BDP1: variants seen among roughly 807,000 people sequenced by gnomAD.
The protein encoded by BDP1 is BDP1 general transcription factor IIIB subunit.
Under a neutral mutation model 266.6 loss-of-function variants are expected in BDP1, and 169 were observed. The observed-to-expected ratio is 0.63, with a 90% confidence interval of 0.56 to 0.72. The LOEUF is 0.72. BDP1 is among the 30% of genes least tolerant of loss of function. The pLI, the probability that BDP1 is intolerant of heterozygous loss-of-function variation, is 0.00. For synonymous variants in BDP1, 1,090 were observed against 1,022.4 expected (o/e 1.07, Z -1.26); for missense variants, 3,015 against 3,053.8 (o/e 0.99, Z 0.30).
At position 71,542,278 on chromosome 5, in the gene BDP1, CTCTTA is replaced by C. The variant is rs756730729; in HGVS notation, c.6412+14_6412+18del. The C allele has an allele frequency of 1.3e-6, 2 of 1,590,210 alleles. No individual in the cohort carries two copies. Among genetic ancestry groups the C allele is most frequent in the African/African-American group, 2.7e-5 (2 of 73,598 alleles). On this transcript the variant is annotated intron_variant, in intron 30 of 38. Coordinates refer to ENST00000358731, the MANE Select transcript of BDP1 (RefSeq NM_018429.3). ...GAAACTCAAAGAGGTAAATTTTATT[CTCTTA>C]ATATGTTGCAAAATCATTTTGACAC... is the stretch of plus-strand genomic sequence containing the variant.
chr5:71,552,408 C>G (rs571440200), intron 34 of BDP1, among the ~76,000 whole-genome samples: 4 of 152,208 alleles, frequency 2.6e-5, no homozygotes, highest in Admixed American at 6.5e-5. Context: ...TCCTCACATC[C>G]CAGACGATGG....
intron 15 of BDP1, among the ~76,000 whole-genome samples, chr5:71,503,997 G>A (rs1156477949): frequency 6.6e-6 from 1 of 151,914 alleles, no homozygotes. Flanking sequence ...TTCTGACCAG[G>A]CGCAGTGGCT....
chr5:71,551,268 T>A (rs555636821), intron 34 of BDP1, among the ~76,000 whole-genome samples: 1 of 152,336 alleles, frequency 6.6e-6, no homozygotes, highest in East Asian at 1.9e-4. Flanking sequence ...GGCCTTCCGC[T>A]GTTTTTGTGT....
At chr5:71,461,955 T>TA in intron 3 of BDP1, 29 bp downstream of exon 3, 1 of 783,304 alleles carries the variant, frequency 1.3e-6, no homozygotes, top group Non-Finnish European at 2.1e-6. Context: ...TGCTTTACTA[T>TA]CTCTTTTTTT....
rs531900910 is a variant in BDP1, at chr5:71,554,807, C to T, written c.7200+1487C>T. 4.7e-4 allele frequency among the ~76,000 whole-genome samples: 72 copies of T among 152,112 alleles called. 1 individual carries two copies. Among genetic ancestry groups the T allele is most frequent in the African/African-American group, 1.6e-3 (68 of 41,504 alleles). ...TTTTACTAGTTGAGTATCCTTTATT[C>T]GAAATGCTTAGGACCGGAAGTGTTT... is the stretch of plus-strand genomic sequence containing the variant. On this transcript the variant is annotated intron_variant, in intron 35 of 38. Coordinates refer to ENST00000358731, the MANE Select transcript of BDP1 (RefSeq NM_018429.3).
chr5:71,573,235 AAAAAAAG>A, the BDP1 span, among the ~76,000 whole-genome samples: 2 of 129,394 alleles, frequency 1.5e-5, no homozygotes. Context: ...TTCAAAAAAA[AAAAAAAG>A]AAAGAAAAGA....
intron 10 of BDP1, among the ~76,000 whole-genome samples, chr5:71,490,386 A>G (rs115176590): frequency 0.013 from 1,965 of 152,226 alleles, 49 homozygotes; most frequent in African/African-American, 0.045. Flanking sequence ...GGCTTATTGG[A>G]GTCATTACGT....
intron 7 of BDP1, among the ~76,000 whole-genome samples, chr5:71,475,471 T>A (rs142920540): frequency 9.3e-4 from 141 of 152,298 alleles, no homozygotes; most frequent in African/African-American, 3.2e-3. Flanking sequence ...TGTATTTTGC[T>A]GTTCCTAATT....
intron 20 of BDP1, 25 bp from the exon 21 acceptor site, chr5:71,516,036 C>CCTT: frequency 6.4e-7 from 1 of 1,551,716 alleles, no homozygotes; most frequent in African/African-American, 1.4e-5. Flanking sequence ...AAGCGCCCTG[C>CCTT]CTTTCTCCCT....
At chr5:71,469,622 CT>C (rs1181549949) in intron 6 of BDP1, among the ~76,000 whole-genome samples, 1 of 149,836 alleles carries the variant, frequency 6.7e-6, no homozygotes, top group African/African-American at 2.5e-5. Context: ...ATTTCTTTTT[CT>C]TTTTTTTTGA....
At chr5:71,563,367 C>A (rs1743812773) in intron 38 of BDP1, among the ~76,000 whole-genome samples, 1 of 152,182 alleles carries the variant, frequency 6.6e-6, no homozygotes. Context: ...ATGCTGTTCT[C>A]AAATGCCTGG....
chr5:71,491,158 A>G (rs1763567396), intron 11 of BDP1, 27 bp downstream of exon 11: 3 of 1,605,562 alleles, frequency 1.9e-6, no homozygotes, highest in Non-Finnish European at 2.6e-6. Context: ...TTCTGGTTTT[A>G]TCCACATCTG....
At chr5:71,532,461 ATTC>A in intron 26 of BDP1, 34 bp downstream of exon 26, 1 of 1,598,252 alleles carries the variant, frequency 6.3e-7, no homozygotes, top group East Asian at 2.2e-5. Flanking sequence ...TTGGCCTTTT[ATTC>A]TTTGTTTACT....
At chr5:71,568,160 A>G (rs1477322355), downstream of BDP1, among the ~76,000 whole-genome samples, 2 of 152,152 alleles carry the variant, frequency 1.3e-5, no homozygotes, top group South Asian at 2.1e-4. Context: ...GGAGGAGACA[A>G]ATTTTTGACA....
intron 4 of BDP1, among the ~76,000 whole-genome samples, chr5:71,465,606 G>C (rs1451080440): frequency 6.6e-6 from 1 of 152,206 alleles, no homozygotes; most frequent in Non-Finnish European, 1.5e-5. Context: ...GCTTGGGCCA[G>C]GCACGGTGGC....
intron 7 of BDP1, among the ~76,000 whole-genome samples, chr5:71,472,791 T>TACCTGTGA (rs1762327326): frequency 6.6e-6 from 1 of 152,086 alleles, no homozygotes. Flanking sequence ...TGATAGAATT[T>TACCTGTGA]ACCTGTGAAA....
At chr5:71,521,682 G>A (rs191248405) in intron 22 of BDP1, among the ~76,000 whole-genome samples, 228 of 152,264 alleles carry the variant, frequency 1.5e-3, no homozygotes, top group Middle Eastern at 0.01. Flanking sequence ...AGGTTACCTT[G>A]GGAGCTCTGG....
intron 3 of BDP1, among the ~76,000 whole-genome samples, 183 bp downstream of exon 3, chr5:71,462,109 C>T (rs1044407133): frequency 3.9e-5 from 6 of 151,972 alleles, no homozygotes; most frequent in African/African-American, 1.4e-4. Flanking sequence ...ATTACAGATG[C>T]TCGCCACCAC....
At chr5:71,536,116 T>G (rs1009738753) in intron 26 of BDP1, among the ~76,000 whole-genome samples, 1 of 152,222 alleles carries the variant, frequency 6.6e-6, no homozygotes, top group African/African-American at 2.4e-5. Flanking sequence ...TTTGGTCTTA[T>G]TCCTGATCTT....
Sources: allele counts gnomAD v4.1 joint callset (sites outside exome capture counted in the v4.1 genomes callset), GRCh38; gene constraint gnomAD v4.1.1; transcripts MANE v1.5; gene names NCBI Gene and HGNC (gene_info 2026-07-23, HGNC 2026-07-21).